Variants in ORC5 observed in about 807,000 individuals in gnomAD.
ORC5 encodes protein phosphatase 1, regulatory subunit 117.
In ORC5, 39 loss-of-function variants were observed where a neutral mutation model predicts 58.8. The observed-to-expected ratio is 0.66, with a 90% CI of 0.51 to 0.87. The LOEUF is 0.87. Ranked by LOEUF, ORC5 falls within the 40% of genes least tolerant of loss-of-function variation. The probability of loss-of-function intolerance (pLI) is 0.00; values close to 1 mark genes in which losing one functional copy is unlikely to be tolerated. For synonymous variants in ORC5, 218 were observed against 177.6 expected (o/e 1.23, Z -1.81); for missense variants, 493 against 506.3 (o/e 0.97, Z 0.25).
At chr7:104,166,626 G>A (rs1208181576) in intron 10 of ORC5, 146 bp downstream of exon 10, 3 of 536,238 alleles carry the variant, frequency 5.6e-6, no homozygotes, top group Non-Finnish European at 9.9e-6. Context: ...TGACATTAAT[G>A]TAAAGCCTTT....
intron 3 of ORC5, among the ~76,000 whole-genome samples, chr7:104,199,660 C>T (rs1351207987): frequency 6.6e-6 from 1 of 152,176 alleles, no homozygotes; most frequent in African/African-American, 2.4e-5. Flanking sequence ...ATTTTATAGG[C>T]TCATAGGTGG....
chr7:104,152,727 A>AT (rs1469486878), intron 12 of ORC5, among the ~76,000 whole-genome samples: 1 of 152,228 alleles, frequency 6.6e-6, no homozygotes, highest in Non-Finnish European at 1.5e-5. Flanking sequence ...TTCCCCCAAA[A>AT]ATGTGAATAA....
chr7:104,173,051 A>G (rs7804399), intron 8 of ORC5, among the ~76,000 whole-genome samples: 35,579 of 151,784 alleles, frequency 0.23, 5,173 homozygotes, highest in South Asian at 0.32. Flanking sequence ...AAAACCCCCA[A>G]CAAGTAGAGC....
chr7:104,161,197 A>C lies in ORC5; in HGVS notation c.1039-15T>G. The C allele has an allele frequency of 7.2e-7, 1 of 1,394,702 alleles. No homozygotes were observed. The highest frequency in any genetic ancestry group is 1.0e-6 in the Non-Finnish European group (1 of 983,554). 86.4% of individuals were successfully genotyped at this position (1,394,702 alleles called of 1,614,324 possible). ...TGATTGCTTGTCTGTAAAAAACAAA[A>C]CAAAAACATGGATTTTCTTCTTATA... On this transcript the variant is annotated splice_polypyrimidine_tract_variant and intron_variant, in intron 11 of 13. Coordinates refer to ENST00000297431, the MANE Select transcript of ORC5 (RefSeq NM_002553.4).
chr7:104,190,950 A>G (rs1799660933), intron 5 of ORC5, among the ~76,000 whole-genome samples: 1 of 151,944 alleles, frequency 6.6e-6, no homozygotes, highest in African/African-American at 2.4e-5. Context: ...TATATGAACT[A>G]TCTGAAAATT....
chr7:104,175,497 A>T (rs1227484454), intron 8 of ORC5, among the ~76,000 whole-genome samples: 2 of 152,238 alleles, frequency 1.3e-5, no homozygotes, highest in African/African-American at 4.8e-5. Context: ...ATGGCAACTG[A>T]CAACCTACAC....
intron 12 of ORC5, among the ~76,000 whole-genome samples, chr7:104,152,165 G>T (rs1039366260): frequency 6.6e-6 from 1 of 151,778 alleles, no homozygotes; most frequent in Admixed American, 6.6e-5. Context: ...TTGTTTTTTG[G>T]GGGGATGGAG....
intron 3 of ORC5, among the ~76,000 whole-genome samples, chr7:104,200,547 T>C (rs1360215026): frequency 3.9e-5 from 6 of 152,230 alleles, no homozygotes; most frequent in Non-Finnish European, 5.9e-5. Context: ...ACTTATCACA[T>C]TCTGCATGTA....
intron 8 of ORC5, among the ~76,000 whole-genome samples, chr7:104,179,780 A>G (rs1281678573): frequency 6.6e-6 from 1 of 152,074 alleles, no homozygotes; most frequent in African/African-American, 2.4e-5. Flanking sequence ...TCTCAGACTT[A>G]TATCTCAGAA....
At chr7:104,186,322 G>C (rs372764777) in intron 6 of ORC5, among the ~76,000 whole-genome samples, 68 of 152,086 alleles carry the variant, frequency 4.5e-4, no homozygotes, top group East Asian at 2.5e-3. Flanking sequence ...CAGGTTCTGC[G>C]GAGTTGATCG....
chr7:104,128,676 C>A (rs1352665524), intron 13 of ORC5, among the ~76,000 whole-genome samples: 1 of 107,674 alleles, frequency 9.3e-6, no homozygotes, highest in Non-Finnish European at 1.8e-5. Context: ...CCTCCCCCCT[C>A]CCCCCCACCC....
At chr7:104,142,130 C>A (rs565716847) in intron 12 of ORC5, among the ~76,000 whole-genome samples, 1 of 152,186 alleles carries the variant, frequency 6.6e-6, no homozygotes, top group East Asian at 1.9e-4. Context: ...CAAAAATACA[C>A]AATGGGAAAA....
intron 8 of ORC5, among the ~76,000 whole-genome samples, chr7:104,170,171 TGTAA>T (rs1799185387): frequency 6.6e-6 from 1 of 152,202 alleles, no homozygotes; most frequent in South Asian, 2.1e-4. Flanking sequence ...GACTTTCCTT[TGTAA>T]GTGACTTTTA....
chr7:104,167,436 T>C (rs1393429074), intron 9 of ORC5, among the ~76,000 whole-genome samples: 2 of 152,186 alleles, frequency 1.3e-5, no homozygotes, highest in African/African-American at 4.8e-5. Flanking sequence ...TTTTGGAGCA[T>C]TTTCTATTTG....
chr7:104,176,476 C>T (rs1473093546), intron 8 of ORC5, among the ~76,000 whole-genome samples: 2 of 152,030 alleles, frequency 1.3e-5, no homozygotes, highest in African/African-American at 4.8e-5. Context: ...ATATCAGAGT[C>T]CAGTTGGAAT....
chr7:104,141,917 A>G (rs1401883214), intron 12 of ORC5, among the ~76,000 whole-genome samples: 1 of 152,320 alleles, frequency 6.6e-6, no homozygotes, highest in African/African-American at 2.4e-5. Flanking sequence ...TACAGATTCA[A>G]TGCAATCCCC....
At chr7:104,192,271 C>T (rs543438880) in intron 5 of ORC5, among the ~76,000 whole-genome samples, 16 of 152,048 alleles carry the variant, frequency 1.1e-4, no homozygotes, top group Non-Finnish European at 1.8e-4. Flanking sequence ...AGCTTAATAC[C>T]AATCTGTGTA....
intron 1 of ORC5, among the ~76,000 whole-genome samples, chr7:104,205,084 C>CTTTTTTTT (rs769195880): frequency 0.034 from 3,438 of 101,782 alleles, 311 homozygotes; most frequent in African/African-American, 0.11. Flanking sequence ...TTTAATAATA[C>CTTTTTTTT]TCTTTTTTTT....
At chr7:104,131,457 C>G (rs1418971437) in intron 13 of ORC5, among the ~76,000 whole-genome samples, 2 of 152,136 alleles carry the variant, frequency 1.3e-5, no homozygotes, top group African/African-American at 2.4e-5. Context: ...ATTAACTCTC[C>G]TTCTCTATCT....
Sources: gnomAD v4.1 joint callset for allele counts (sites outside exome capture counted in the v4.1 genomes callset) on GRCh38, gnomAD v4.1.1 for gene constraint, MANE v1.5 for transcripts, NCBI Gene and HGNC (gene_info 2026-07-23, HGNC 2026-07-21) for gene names.